BLNK: variants seen among roughly 807,000 people sequenced by gnomAD.
BLNK encodes the protein B-cell linker protein.
BLNK carries 29 observed loss-of-function variants against 73.5 expected under a neutral mutation model. The observed-to-expected ratio is 0.39, with a 90% confidence interval of 0.29 to 0.54. The LOEUF (loss-of-function observed/expected upper bound fraction) is 0.54. BLNK is among the 20% of genes least tolerant of loss of function. The pLI is 0.61. For missense variants in BLNK, 460 were observed against 562.8 expected (o/e 0.82, Z 1.85); for synonymous variants, 176 against 200.8 (o/e 0.88, Z 1.04).
rs1257860504 is a variant in BLNK at position 96,191,268 on chromosome 10, A to C, written c.*705T>G. ...TTTTTTTTTTTTATGTAAATCACCC[A>C]GTCTTGAGTATGTCTTTATTAGCAG... On this transcript the variant is annotated 3_prime_UTR_variant, in exon 17 of 17. Coordinates refer to ENST00000224337, the MANE Select transcript of BLNK (RefSeq NM_013314.4). Among the ~76,000 whole-genome samples the C allele has an allele frequency of 7.5e-6, 1 of 133,966 alleles. No individual in the cohort carries two copies. The highest frequency in any genetic ancestry group is 1.6e-5 in the Non-Finnish European group (1 of 63,092). 87.9% of individuals were successfully genotyped at this position (133,966 alleles called of 152,430 possible). A position where few individuals can be genotyped will look rare whatever the true frequency, so the allele number is the denominator to read the frequency against.
intron 8 of BLNK, among the ~76,000 whole-genome samples, chr10:96,214,590 G>A (rs587694313): frequency 6.6e-6 from 1 of 152,258 alleles, no homozygotes; most frequent in South Asian, 2.1e-4. Context: ...TGGCCTGGAG[G>A]CTCTACGCAT....
chr10:96,231,466 A>G (rs1842496221), intron 3 of BLNK, among the ~76,000 whole-genome samples: 1 of 152,166 alleles, frequency 6.6e-6, no homozygotes. Flanking sequence ...TAATCCCAGC[A>G]CTGTAGTCCC....
chr10:96,235,942 C>T (rs782232952), intron 3 of BLNK, among the ~76,000 whole-genome samples: 34 of 151,868 alleles, frequency 2.2e-4, no homozygotes, highest in Non-Finnish European at 4.3e-4. Context: ...ACACCGCAGG[C>T]TCCAGTGACA....
intron 3 of BLNK, among the ~76,000 whole-genome samples, chr10:96,237,640 T>C (rs1427261364): frequency 6.6e-6 from 1 of 152,184 alleles, no homozygotes; most frequent in African/African-American, 2.4e-5. Context: ...GACCTCAGAC[T>C]TCAAAGATAC....
At chr10:96,240,788 C>T (rs1326534525) in intron 3 of BLNK, among the ~76,000 whole-genome samples, 1 of 152,214 alleles carries the variant, frequency 6.6e-6, no homozygotes, top group African/African-American at 2.4e-5. Flanking sequence ...TACACGACCT[C>T]TGGGGTTCCT....
intron 2 of BLNK, among the ~76,000 whole-genome samples, chr10:96,244,817 A>T (rs1842990857): frequency 6.6e-6 from 1 of 152,166 alleles, no homozygotes; most frequent in African/African-American, 2.4e-5. Context: ...AGCTGCTGTA[A>T]ATATGACTGG....
At chr10:96,256,986 C>T (rs1843545921) in intron 1 of BLNK, among the ~76,000 whole-genome samples, 1 of 151,554 alleles carries the variant, frequency 6.6e-6, no homozygotes, top group Non-Finnish European at 1.5e-5. Flanking sequence ...TTAACCCTTT[C>T]TCTCTCTCTT....
chr10:96,217,509 G>A (rs2084095429), intron 6 of BLNK, among the ~76,000 whole-genome samples: 1 of 152,160 alleles, frequency 6.6e-6, no homozygotes, highest in South Asian at 2.1e-4. Flanking sequence ...CCTTGTGTGT[G>A]CAAAATGATA....
chr10:96,218,986 T>C (rs1256147226), intron 6 of BLNK, among the ~76,000 whole-genome samples: 2 of 152,208 alleles, frequency 1.3e-5, no homozygotes, highest in Admixed American at 1.3e-4. Context: ...CTTGGGTCTT[T>C]TCTAGATGTA....
intron 6 of BLNK, among the ~76,000 whole-genome samples, chr10:96,223,326 A>G (rs920048914): frequency 6.6e-6 from 1 of 152,150 alleles, no homozygotes; most frequent in African/African-American, 2.4e-5. Context: ...TCAAAGGTCA[A>G]ACAGCGCACT....
intron 11 of BLNK, 195 bp from the exon 12 acceptor site, chr10:96,204,811 TC>T: frequency 1.7e-6 from 1 of 583,548 alleles, no homozygotes; most frequent in East Asian, 3.2e-5. Flanking sequence ...CAGGACTCCC[TC>T]CCAGCAGTGT....
chr10:96,237,027 G>T (rs1724121217), intron 3 of BLNK, among the ~76,000 whole-genome samples: 1 of 152,084 alleles, frequency 6.6e-6, no homozygotes, highest in Non-Finnish European at 1.5e-5. Flanking sequence ...GAGAAGCTTG[G>T]GTTGGGCAAT....
intron 5 of BLNK, among the ~76,000 whole-genome samples, chr10:96,227,179 T>C (rs1842301813): frequency 6.6e-6 from 1 of 152,168 alleles, no homozygotes; most frequent in African/African-American, 2.4e-5. Flanking sequence ...TTATGCCTGC[T>C]TTCAATGTTC....
At chr10:96,197,928 A>G (rs1271764903) in intron 15 of BLNK, among the ~76,000 whole-genome samples, 3 of 151,130 alleles carry the variant, frequency 2.0e-5, no homozygotes, top group African/African-American at 7.3e-5. Flanking sequence ...AAAAAAAGAA[A>G]GAAAAAGAAA....
chr10:96,212,525 G>A (rs1169157616), intron 8 of BLNK, among the ~76,000 whole-genome samples: 6 of 152,174 alleles, frequency 3.9e-5, no homozygotes, highest in Non-Finnish European at 8.8e-5. Flanking sequence ...AAATGTCAGA[G>A]CCAGGACCTA....
intron 1 of BLNK, among the ~76,000 whole-genome samples, chr10:96,262,413 A>G (rs1261199856): frequency 2.6e-5 from 4 of 152,198 alleles, no homozygotes; most frequent in African/African-American, 9.7e-5. Context: ...CCCCTGCTTT[A>G]TGTTATATAT....
intron 3 of BLNK, 49 bp from the exon 4 acceptor site, chr10:96,230,883 G>C: frequency 6.3e-7 from 1 of 1,587,592 alleles, no homozygotes; most frequent in Non-Finnish European, 8.6e-7. Context: ...GCCTCAGCTG[G>C]CCAGCCCCAG....
At chr10:96,237,743 T>C (rs1842747735) in intron 3 of BLNK, among the ~76,000 whole-genome samples, 1 of 152,150 alleles carries the variant, frequency 6.6e-6, no homozygotes, top group Admixed American at 6.6e-5. Flanking sequence ...AAGAAAAAAG[T>C]TCCCCCAAAA....
In BLNK at chr10:96,271,414, T is replaced by C. The variant is rs1554915737; in HGVS notation, c.-16A>G. 1 of 1,613,992 alleles carries C rather than the reference T, an allele frequency of 6.2e-7. No homozygotes were observed. Among genetic ancestry groups the C allele is most frequent in the Non-Finnish European group, 8.5e-7 (1 of 1,179,878 alleles). On this transcript the variant is annotated 5_prime_UTR_variant, in exon 1 of 17. Coordinates refer to ENST00000224337, the MANE Select transcript of BLNK (RefSeq NM_013314.4). ...GCTTGTCCATTCTGTTTGGTAATTG[T>C]AAGAGACACGAATAACTGTCCAGTG...
Sources: allele counts gnomAD v4.1 joint callset (sites outside exome capture counted in the v4.1 genomes callset), GRCh38; gene constraint gnomAD v4.1.1; transcripts MANE v1.5; gene names NCBI Gene and HGNC (gene_info 2026-07-23, HGNC 2026-07-21).